The following ARMC12 variants were observed in gnomAD, a reference collection of about 807,000 sequenced individuals.
The protein encoded by ARMC12 is armadillo repeat containing 12, also known as armadillo repeat-containing protein 12.
In ARMC12, 25 loss-of-function variants were observed where a neutral mutation model predicts 37.4. That is an observed-to-expected ratio of 0.67 (90% CI 0.49 to 0.93). The LOEUF (loss-of-function observed/expected upper bound fraction) is 0.93. Ranked by LOEUF, ARMC12 falls within the 40% of genes least tolerant of loss-of-function variation. The pLI, the probability that ARMC12 is intolerant of heterozygous loss-of-function variation, is 0.00. For synonymous variants in ARMC12, 167 were observed against 176.1 expected (o/e 0.95, Z 0.41); for missense variants, 384 against 426.6 (o/e 0.90, Z 0.88).
the ARMC12 span, among the ~76,000 whole-genome samples, chr6:35,731,910 G>A: frequency 6.6e-6 from 1 of 152,232 alleles, no homozygotes; most frequent in Non-Finnish European, 1.5e-5. Flanking sequence ...GCGCCGCCGA[G>A]CGCGGGAGAG....
intron 3 of ARMC12, among the ~76,000 whole-genome samples, chr6:35,745,381 A>G (rs1293981039): frequency 2.0e-5 from 3 of 152,240 alleles, no homozygotes; most frequent in Admixed American, 1.3e-4. Context: ...AAATGATCAC[A>G]TAAAGTGTGA....
At chr6:35,739,677 C>T (rs530738739) in intron 3 of ARMC12, among the ~76,000 whole-genome samples, 20 of 152,292 alleles carry the variant, frequency 1.3e-4, no homozygotes, top group African/African-American at 4.8e-4. Context: ...TACATTCCAG[C>T]CTTTGTATAA....
chr6:35,737,710 T>G (rs761898595), intron 1 of ARMC12, among the ~76,000 whole-genome samples: 2 of 152,224 alleles, frequency 1.3e-5, no homozygotes, highest in South Asian at 4.1e-4. Context: ...GCAAGACTCT[T>G]TATTGCCATC....
intron 3 of ARMC12, among the ~76,000 whole-genome samples, chr6:35,746,063 A>T (rs67057477): frequency 0.63 from 93,234 of 147,140 alleles, 29,794 homozygotes; most frequent in African/African-American, 0.77. Context: ...AAAATAAAAT[A>T]AAATTAAATT....
chr6:35,747,626 C>G lies in ARMC12; in HGVS notation c.669C>G (p.Leu223=), dbSNP rs752001343. ...LSYLAQKNDL[L]YDILNCQVHS... ...ACCTGGCACAGAAGAATGACCTTCT[C>G]TATGACATTCTCAACTGCCAGGTGA... Residue 223 remains leucine (L), a synonymous_variant, in exon 5 of 6, where the codon CTC becomes CTG. Coordinates refer to ENST00000373866, the MANE Select transcript of ARMC12 (RefSeq NM_001286574.2). 8 of 1,614,152 alleles carry G rather than the reference C, an allele frequency of 5.0e-6. No homozygotes were observed. Among genetic ancestry groups the G allele is most frequent in the Middle Eastern group, 1.7e-4 (1 of 6,054 alleles).
chr6:35,742,490 C>A (rs1767202215), intron 3 of ARMC12, among the ~76,000 whole-genome samples: 1 of 99,336 alleles, frequency 1.0e-5, no homozygotes. Flanking sequence ...GAACGAGACT[C>A]TGTCTCAAAA....
intron 3 of ARMC12, among the ~76,000 whole-genome samples, chr6:35,742,016 C>T (rs1481773210): frequency 6.6e-6 from 1 of 151,692 alleles, no homozygotes; most frequent in Non-Finnish European, 1.5e-5. Context: ...CACCAATATG[C>T]CCGGCTAATT....
chr6:35,742,475 C>A lies in ARMC12; in HGVS notation c.444+3957C>A, dbSNP rs1205626560. ...TCACGCCACTGCACTCCAGCCTGGG[C>A]CACAGAACGAGACTCTGTCTCAAAA... is the stretch of plus-strand genomic sequence containing the variant. On this transcript the variant is annotated intron_variant, in intron 3 of 5. Transcript: ENST00000373866. 3.8e-5 allele frequency among the ~76,000 whole-genome samples: 5 copies of A among 131,698 alleles called. No individual in the cohort carries two copies. In the Admixed American group the frequency reaches 4.4e-4, roughly 12 times the overall value. The allele number at this position is 131,698 out of a possible 152,430, so 86.4% of individuals were successfully genotyped here.
intron 3 of ARMC12, among the ~76,000 whole-genome samples, chr6:35,739,883 G>T (rs1198937825): frequency 1.3e-5 from 2 of 152,198 alleles, no homozygotes; most frequent in African/African-American, 2.4e-5. Context: ...ATCATGTCCA[G>T]CTGCTCACCC....
At chr6:35,734,409 G>A (rs565086830), upstream of ARMC12, among the ~76,000 whole-genome samples, 3 of 152,252 alleles carry the variant, frequency 2.0e-5, no homozygotes, top group East Asian at 3.9e-4. Context: ...CAATCCACTC[G>A]CCTCAGCCTC....
At chr6:35,744,267 A>G (rs1433022152) in intron 3 of ARMC12, among the ~76,000 whole-genome samples, 1 of 151,798 alleles carries the variant, frequency 6.6e-6, no homozygotes, top group African/African-American at 2.4e-5. Flanking sequence ...TCACCCTCCC[A>G]AGTAGCTGGG....
chr6:35,737,543 T>A (rs893331826), intron 1 of ARMC12, among the ~76,000 whole-genome samples: 15 of 152,166 alleles, frequency 9.9e-5, no homozygotes, highest in Non-Finnish European at 1.9e-4. Flanking sequence ...AGGATTCCAC[T>A]TCTTGGAAAC....
chr6:35,746,762 G>GAAAGTGTAACCCAA (rs1447067976), intron 3 of ARMC12, among the ~76,000 whole-genome samples: 4 of 152,190 alleles, frequency 2.6e-5, no homozygotes, highest in Non-Finnish European at 5.9e-5. Flanking sequence ...CCACTGGAAG[G>GAAAGTGTAACCCAA]AAAGTGTAAC....
In ARMC12 at chr6:35,738,097, G is replaced by T; in HGVS notation, c.234G>T (p.Glu78Asp). ...GELRRLLNSL[E>D]CKQDEYAKSM... ...TCCGGAGGCTCCTCAACTCTTTGGA[G>T]TGCAAACAGGATGAGTATGCCAAGA... Residue 78 changes from glutamate to aspartate, a missense_variant, in exon 2 of 6, where the codon GAG becomes GAT. Physicochemically the swap from Glu to Asp is conservative, Grantham distance 45. Coordinates refer to ENST00000373866, the MANE Select transcript of ARMC12 (RefSeq NM_001286574.2). The T allele has an allele frequency of 6.2e-7, 1 of 1,614,078 alleles. No individual in the cohort carries two copies. The highest frequency in any genetic ancestry group is 1.7e-5 in the Admixed American group (1 of 60,026).
intron 3 of ARMC12, among the ~76,000 whole-genome samples, chr6:35,744,268 A>G (rs1370732434): frequency 2.6e-5 from 4 of 151,954 alleles, no homozygotes; most frequent in Admixed American, 6.5e-5. Flanking sequence ...CACCCTCCCA[A>G]GTAGCTGGGA....
chr6:35,748,529 C>T lies in ARMC12; in HGVS notation c.691-9C>T, dbSNP rs773496053. The T allele has an allele frequency of 3.8e-5, 55 of 1,465,066 alleles. No individual in the cohort carries two copies. Among genetic ancestry groups the T allele is most frequent in the Non-Finnish European group, 4.8e-5 (53 of 1,105,214 alleles). The allele number at this position is 1,465,066 out of a possible 1,614,324, so 90.8% of individuals were successfully genotyped here. A position where few individuals can be genotyped will look rare whatever the true frequency, so the allele number is the denominator to read the frequency against. On this transcript the variant is annotated splice_polypyrimidine_tract_variant and intron_variant, in intron 5 of 5. Coordinates refer to ENST00000373866, the MANE Select transcript of ARMC12 (RefSeq NM_001286574.2). ...GTTTATTCCCATTCTTTCTCTATTC[C>T]CATCACAGGTTCACTCCAACTTCCT...
At chr6:35,748,142 C>T (rs1050828616) in intron 5 of ARMC12, among the ~76,000 whole-genome samples, 3 of 152,152 alleles carry the variant, frequency 2.0e-5, no homozygotes, top group Admixed American at 2.0e-4. Flanking sequence ...CTTGCAGCAA[C>T]TGATAGATTA....
rs758317509 is a variant in ARMC12 at position 35,738,450 on chromosome 6, G to A, written c.376G>A (p.Val126Ile). 39 of 1,613,880 alleles carry A rather than the reference G, an allele frequency of 2.4e-5. No individual in the cohort carries two copies. The highest frequency in any genetic ancestry group is 6.7e-5 in the Admixed American group (4 of 59,978). ...GYMLDDKDNS[V>I]KTQALNTLKA... Reference sequence around the variant, plus strand: ...CATGCTGGATGACAAGGACAACAGTGTCAAAACCCAAGCTCTGAATACACT... The same window carrying A: ...CATGCTGGATGACAAGGACAACAGTATCAAAACCCAAGCTCTGAATACACT... Residue 126 changes from valine (V) to isoleucine (I), a missense_variant, in exon 3 of 6, where the codon GTC becomes ATC. Coordinates refer to ENST00000373866, the MANE Select transcript of ARMC12 (RefSeq NM_001286574.2).
At position 35,747,375 on chromosome 6, in the gene ARMC12, C is replaced by T. The variant is rs1177637946; in HGVS notation, c.559C>T (p.Leu187=). The T allele has an allele frequency of 5.0e-6, 8 of 1,614,090 alleles. No individual in the cohort carries two copies. Among genetic ancestry groups the T allele is most frequent in the Non-Finnish European group, 6.8e-6 (8 of 1,180,042 alleles). Residue 187 remains leucine (L), a synonymous_variant, in exon 4 of 6, where the codon CTG becomes TTG. Transcript: ENST00000373866. Reference sequence around the variant, plus strand: ...ACTGCCCGACTATGTGCATCCACAGCTGCGACGGGTGATGCCTGCCTTGAT... The same window carrying T: ...ACTGCCCGACTATGTGCATCCACAGTTGCGACGGGTGATGCCTGCCTTGAT... ...LPLPDYVHPQ[L]RRVMPALMEI... is the part of the protein sequence containing the mutation.
Sources: allele counts gnomAD v4.1 joint callset (sites outside exome capture counted in the v4.1 genomes callset), GRCh38; gene constraint gnomAD v4.1.1; transcripts MANE v1.5; gene names NCBI Gene and HGNC (gene_info 2026-07-23, HGNC 2026-07-21).